The following MTERF4 variants were observed in gnomAD, a reference collection of about 807,000 sequenced individuals.
MTERF4 encodes transcription termination factor 4, mitochondrial.
MTERF4 carries 17 observed loss-of-function variants against 22.5 expected under a neutral mutation model. The observed-to-expected ratio is 0.75, with a 90% CI of 0.52 to 1.13. The LOEUF (loss-of-function observed/expected upper bound fraction) is 1.13, where lower values mean the gene tolerates loss of function less well. MTERF4 is among the 50% of genes most tolerant of loss of function. MTERF4 has a pLI of 0.00. For synonymous variants in MTERF4, 165 were observed against 175.3 expected (o/e 0.94, Z 0.47); for missense variants, 420 against 466.8 (o/e 0.90, Z 0.92).
the MTERF4 span, among the ~76,000 whole-genome samples, chr2:241,044,173 A>C: frequency 1.3e-5 from 2 of 152,262 alleles, no homozygotes; most frequent in Non-Finnish European, 2.9e-5. Context: ...GTAAAAGCCG[A>C]TAGCAAGATG....
chr2:241,061,005 G>A, the MTERF4 span, among the ~76,000 whole-genome samples: 1 of 152,102 alleles, frequency 6.6e-6, no homozygotes, highest in East Asian at 1.9e-4. Flanking sequence ...CTTTGGGGTA[G>A]TGAAAGACTC....
chr2:241,091,220 A>C (rs1401363971), downstream of MTERF4, among the ~76,000 whole-genome samples: 1 of 152,246 alleles, frequency 6.6e-6, no homozygotes, highest in Non-Finnish European at 1.5e-5. The surrounding 1 kb of genome is among the most constrained non-coding windows in gnomAD (Gnocchi z 4.1). Flanking sequence ...CCAGACACCC[A>C]TCCAAGAACA....
chr2:241,065,126 A>T, the MTERF4 span, among the ~76,000 whole-genome samples: 5 of 152,040 alleles, frequency 3.3e-5, no homozygotes, highest in African/African-American at 1.2e-4. Flanking sequence ...ACGGTCACAC[A>T]TTCAAAAGTG....
At chr2:241,048,005 C>A in the MTERF4 span, among the ~76,000 whole-genome samples, 2 of 150,616 alleles carry the variant, frequency 1.3e-5, no homozygotes, top group Non-Finnish European at 3.0e-5. Flanking sequence ...TCTGTCCAAT[C>A]CTGGGTGGTC....
chr2:241,049,034 T>C, the MTERF4 span: 1 of 1,612,858 alleles, frequency 6.2e-7, no homozygotes, highest in African/African-American at 1.3e-5. Context: ...ATCACAGCCA[T>C]GCCCTGCAAC....
chr2:241,051,876 G>A, the MTERF4 span: 14 of 1,525,260 alleles, frequency 9.2e-6, no homozygotes, highest in Middle Eastern at 8.6e-4. This position sits in a 1 kb window ranked among gnomAD's most constrained non-coding sequence, Gnocchi z 4.7. Flanking sequence ...GCCCCCAGGG[G>A]CAGGGGGGAG....
At chr2:241,089,814 G>A (rs151060080), downstream of MTERF4, among the ~76,000 whole-genome samples, 397 of 152,384 alleles carry the variant, frequency 2.6e-3, no homozygotes, top group Middle Eastern at 0.01. Context: ...AGATGGCACC[G>A]CGTACTGCGC....
the MTERF4 span, among the ~76,000 whole-genome samples, chr2:241,043,173 C>G: frequency 1.3e-5 from 2 of 152,120 alleles, no homozygotes; most frequent in Non-Finnish European, 2.9e-5. Context: ...AAACTAAAAC[C>G]CACATTTCCA....
downstream of MTERF4, among the ~76,000 whole-genome samples, chr2:241,070,657 G>A (rs1049845510): frequency 6.6e-6 from 1 of 152,228 alleles, no homozygotes; most frequent in Non-Finnish European, 1.5e-5. Context: ...GAGGCACAGG[G>A]CAGAAGCCGC....
At position 241,073,364 on chromosome 2, in the gene MTERF4, A is replaced by T; in HGVS notation, n.2798T>A. ...TGAACACGGCAGCAAGGACATCGGA[A>T]GTGAGTCAGCAGCGCTGGTGGGGAC... On this transcript the variant is annotated non_coding_transcript_exon_variant, in exon 5 of 5. Transcript: ENST00000464344. This position sits in a 1 kb window ranked among gnomAD's most constrained non-coding sequence, Gnocchi z 6.6. 6.4e-7 allele frequency: 1 copy of T among 1,565,482 alleles called. No homozygotes were observed. Among genetic ancestry groups the T allele is most frequent in the Non-Finnish European group, 8.7e-7 (1 of 1,155,934 alleles).
downstream of MTERF4, chr2:241,089,399 C>A (rs2063762199): frequency 6.4e-7 from 1 of 1,550,430 alleles, no homozygotes; most frequent in Non-Finnish European, 8.7e-7. Context: ...CATTCAGGAA[C>A]CTTTAAAAAC....
At chr2:241,071,243 C>CCTGAGT (rs1311788689), downstream of MTERF4, among the ~76,000 whole-genome samples, 3 of 152,192 alleles carry the variant, frequency 2.0e-5, no homozygotes, top group Admixed American at 6.5e-5. Flanking sequence ...CAGCCTGGGA[C>CCTGAGT]CTGAGTCCGA....
chr2:241,077,310 C>G (rs2063073691), intron 4 of MTERF4, among the ~76,000 whole-genome samples: 1 of 152,144 alleles, frequency 6.6e-6, no homozygotes, highest in African/African-American at 2.4e-5. Flanking sequence ...GGAGCTAAAA[C>G]CAAAACTCTT....
downstream of MTERF4, chr2:241,094,393 A>T: frequency 2.1e-6 from 1 of 471,240 alleles, no homozygotes; most frequent in South Asian, 1.5e-5. The surrounding 1 kb of genome is among the most constrained non-coding windows in gnomAD (Gnocchi z 4.3). Flanking sequence ...TTGCAAAACA[A>T]AAGTCTTTTT....
the MTERF4 span, chr2:241,050,015 C>G: frequency 4.8e-6 from 5 of 1,035,546 alleles, no homozygotes; most frequent in Non-Finnish European, 4.5e-6. Flanking sequence ...TCTGCTGTCT[C>G]TCTCCTTGTT....
At chr2:241,081,549 C>A (rs758082) in intron 4 of MTERF4, 4 of 698,568 alleles carry the variant, frequency 5.7e-6, no homozygotes, top group Non-Finnish European at 1.0e-5. Flanking sequence ...GGGAGGCCAC[C>A]GCAGCACACC....
chr2:241,096,119 T>TCCTC lies in MTERF4; in HGVS notation c.1021_1024dup (p.Asp342GlyfsTer3), dbSNP rs1466217577. On this transcript the variant is annotated frameshift_variant, in exon 4 of 4. Transcript: ENST00000391980. LOFTEE classifies it low-confidence loss of function (END_TRUNC). The surrounding 1 kb of genome is among the most constrained non-coding windows in gnomAD (Gnocchi z 5.1). ...GTCCTCCTCATCATCGTCATCCTCA[T>TCCTC]CCTCATCCAGACTTGCCCTTTTGTC... is the stretch of plus-strand genomic sequence containing the variant. 6.2e-7 allele frequency: 1 copy of TCCTC among 1,614,138 alleles called. No homozygotes were observed. Among genetic ancestry groups the TCCTC allele is most frequent in the South Asian group, 1.1e-5 (1 of 91,074 alleles).
At chr2:241,082,211 C>T, downstream of MTERF4, 1 of 1,335,474 alleles carries the variant, frequency 7.5e-7, no homozygotes, top group Non-Finnish European at 1.1e-6. Flanking sequence ...TTGGGCAAGG[C>T]CTCTCAAGAG....
At chr2:241,101,823 C>A (rs1238366055) in intron 1 of MTERF4, among the ~76,000 whole-genome samples, 2 of 152,178 alleles carry the variant, frequency 1.3e-5, no homozygotes, top group East Asian at 1.9e-4. Context: ...GAGTTCGAGG[C>A]GGGTGGATCA....
Sources: gnomAD v4.1 joint callset for allele counts (sites outside exome capture counted in the v4.1 genomes callset) on GRCh38, gnomAD v4.1.1 for gene constraint, Gnocchi (gnomAD v3.1) non-coding constraint, MANE v1.5 for transcripts, NCBI Gene and HGNC (gene_info 2026-07-23, HGNC 2026-07-21) for gene names.